SDC3: variants seen among roughly 807,000 people sequenced by gnomAD.
SDC3 encodes the protein syndecan-3.
In SDC3, 13 loss-of-function variants were observed where a neutral mutation model predicts 24.4. That is an observed-to-expected ratio of 0.53 (90% CI 0.35 to 0.85). The LOEUF (loss-of-function observed/expected upper bound fraction) is 0.85. Among genes scored for constraint, SDC3 ranks in the 40% least tolerant of loss-of-function variants. SDC3 has a pLI of 0.01. For synonymous variants in SDC3, 295 were observed against 260.9 expected, an observed-to-expected ratio of 1.13 and a Z score of -1.26; for missense variants, 571 against 584.5, an observed-to-expected ratio of 0.98 and a Z score of 0.24.
chr1:30,880,667 C>G (rs1186618060), intron 1 of SDC3: 1 of 152,064 alleles, frequency 6.6e-6, no homozygotes, highest in African/African-American at 2.4e-5. Context: ...CGCTGGGACT[C>G]ATGAGGCCCT....
chr1:30,887,744 C>T (rs915497158), intron 1 of SDC3, among the ~76,000 whole-genome samples: 1 of 152,228 alleles, frequency 6.6e-6, no homozygotes, highest in African/African-American at 2.4e-5. Flanking sequence ...TTCTGGAACA[C>T]AGTCAGCCTC....
At chr1:30,877,902 G>T (rs1639676054) in intron 2 of SDC3, 3 of 152,530 alleles carry the variant, frequency 2.0e-5, no homozygotes. Flanking sequence ...AGAGGCGAGG[G>T]CTGTGGGGAG....
intron 1 of SDC3, among the ~76,000 whole-genome samples, chr1:30,907,118 G>A (rs1638532519): frequency 6.6e-6 from 1 of 152,242 alleles, no homozygotes; most frequent in African/African-American, 2.4e-5. Context: ...GGAACTTGCA[G>A]AGGGCGGCTG....
At chr1:30,880,158 G>C (rs1639718367) in intron 1 of SDC3, 1 of 152,208 alleles carries the variant, frequency 6.6e-6, no homozygotes, top group African/African-American at 2.4e-5. Context: ...TTCATCCCCA[G>C]CTCAGTAGCC....
chr1:30,898,749 G>A (rs1225984067), intron 1 of SDC3, among the ~76,000 whole-genome samples: 1 of 152,140 alleles, frequency 6.6e-6, no homozygotes, highest in Non-Finnish European at 1.5e-5. Flanking sequence ...CTGGCCTCAG[G>A]TCTTTCTGAT....
At chr1:30,889,374 C>A (rs1476717001) in intron 1 of SDC3, among the ~76,000 whole-genome samples, 1 of 152,164 alleles carries the variant, frequency 6.6e-6, no homozygotes, top group Non-Finnish European at 1.5e-5. Context: ...AGGACTGAAG[C>A]ACTGGTTCCC....
chr1:30,908,601 C>A lies in SDC3; in HGVS notation c.-15G>T, dbSNP rs1344187412. 3.1e-6 allele frequency: 3 copies of A among 966,122 alleles called. No individual in the cohort carries two copies. In the African/African-American group the frequency reaches 5.4e-5, roughly 17 times the overall value. 59.8% of individuals were successfully genotyped at this position (966,122 alleles called of 1,614,324 possible). A position where few individuals can be genotyped will look rare whatever the true frequency, so the allele number is the denominator to read the frequency against. ...CCCGGCTTCATGGCGGCGGCGCGGG[C>A]GCGGGCGGCGGGCGGCGGGCGGGCG... On this transcript the variant is annotated 5_prime_UTR_variant, in exon 1 of 5. Coordinates refer to ENST00000339394, the MANE Select transcript of SDC3 (RefSeq NM_014654.4).
chr1:30,877,474 G>C, intron 2 of SDC3: 1 of 570,958 alleles, frequency 1.8e-6, no homozygotes, highest in Non-Finnish European at 3.1e-6. Flanking sequence ...AGCAGCAACT[G>C]AGGCGCTACT....
intron 3 of SDC3, among the ~76,000 whole-genome samples, chr1:30,876,148 C>T (rs777086291): frequency 2.6e-5 from 4 of 152,200 alleles, no homozygotes; most frequent in Non-Finnish European, 1.5e-5. Context: ...TTCTCCTTTC[C>T]GTAGATGAGG....
At chr1:30,888,748 G>A (rs900139246) in intron 1 of SDC3, among the ~76,000 whole-genome samples, 17 of 152,226 alleles carry the variant, frequency 1.1e-4, no homozygotes, top group Non-Finnish European at 1.9e-4. Flanking sequence ...CCAGCCTGGA[G>A]CAGTCCCACT....
intron 1 of SDC3, among the ~76,000 whole-genome samples, chr1:30,899,318 C>T (rs1638355524): frequency 6.6e-6 from 1 of 152,234 alleles, no homozygotes; most frequent in African/African-American, 2.4e-5. Context: ...AACTCCTGAC[C>T]TTGTGATCTG....
At chr1:30,875,701 A>G (rs1029426629) in intron 3 of SDC3, among the ~76,000 whole-genome samples, 3 of 152,174 alleles carry the variant, frequency 2.0e-5, no homozygotes, top group African/African-American at 7.2e-5. Context: ...TGCCCCATCC[A>G]GAATATCCCA....
At chr1:30,906,318 C>T (rs545018017) in intron 1 of SDC3, among the ~76,000 whole-genome samples, 13 of 152,152 alleles carry the variant, frequency 8.5e-5, no homozygotes, top group Non-Finnish European at 1.3e-4. Flanking sequence ...ACCTGCCCTC[C>T]CCCAGGCCCC....
rs45440502 is a variant in SDC3, at chr1:30,869,540, A to G, written c.*3671T>C. 1 of 230,512 alleles carries G rather than the reference A, an allele frequency of 4.3e-6. No individual in the cohort carries two copies. The highest frequency in any genetic ancestry group is 7.6e-6 in the Non-Finnish European group (1 of 132,422). The allele number at this position is 230,512 out of a possible 1,614,324, so 14.3% of individuals were successfully genotyped here. ...AGTGTTAAAAAAACAAACAAACAAA[A>G]AAAAAAAAAAAAAAAAAAAAACAAA... On this transcript the variant is annotated 3_prime_UTR_variant, in exon 5 of 5. Transcript: ENST00000339394.
At position 30,876,648 on chromosome 1, in the gene SDC3, G is replaced by A. The variant is rs747695422; in HGVS notation, c.774C>T (p.Ala258=). 6.3e-7 allele frequency: 1 copy of A among 1,591,116 alleles called. No individual in the cohort carries two copies. The highest frequency in any genetic ancestry group is 1.1e-5 in the South Asian group (1 of 88,458). Reference sequence around the variant, plus strand: ...CCTGGGTGGTGGCCGGCCTGGGAAGGGCTCTTGGCCGGGAGGTAGCTGTGC... The same window carrying A: ...CCTGGGTGGTGGCCGGCCTGGGAAGAGCTCTTGGCCGGGAGGTAGCTGTGC... ...LVSTATSRPR[A]LPRPATTQEP... is the part of the protein sequence containing the mutation. The change falls in exon 3 of 5, where the codon GCC becomes GCT. Residue 258 remains alanine, a synonymous_variant. Transcript: ENST00000339394.
intron 4 of SDC3, 147 bp downstream of exon 4, chr1:30,874,150 T>C: frequency 4.6e-6 from 3 of 645,630 alleles, no homozygotes; most frequent in Non-Finnish European, 2.6e-6. Context: ...CCTGGGGGGT[T>C]GAGTTCTCAA....
intron 1 of SDC3, among the ~76,000 whole-genome samples, chr1:30,887,171 G>C (rs1639840862): frequency 6.6e-6 from 1 of 152,072 alleles, no homozygotes; most frequent in Non-Finnish European, 1.5e-5. Flanking sequence ...GCCCAGCTCA[G>C]GTAGGCACCC....
intron 2 of SDC3, 97 bp downstream of exon 2, chr1:30,878,526 G>C: frequency 1.1e-6 from 1 of 930,928 alleles, no homozygotes; most frequent in Non-Finnish European, 1.7e-6. Flanking sequence ...AATGCCCCCT[G>C]CCTCACTGAA....
chr1:30,903,174 A>G (rs1166837395), intron 1 of SDC3, among the ~76,000 whole-genome samples: 1 of 152,190 alleles, frequency 6.6e-6, no homozygotes, highest in African/African-American at 2.4e-5. Flanking sequence ...CAATGGGGCC[A>G]GTGCTCAGAG....
Sources: gnomAD v4.1 joint callset for allele counts (sites outside exome capture counted in the v4.1 genomes callset) on GRCh38, gnomAD v4.1.1 for gene constraint, MANE v1.5 for transcripts, NCBI Gene and HGNC (gene_info 2026-07-23, HGNC 2026-07-21) for gene names.